The following SDK1 variants were observed in gnomAD, a reference collection of about 807,000 sequenced individuals.
SDK1 encodes protein sidekick-1.
Under a neutral mutation model 245.5 loss-of-function variants are expected in SDK1, and 157 were observed. The ratio of observed to expected loss-of-function variants is 0.64; its 90% CI spans 0.56 to 0.73. The LOEUF (loss-of-function observed/expected upper bound fraction) is 0.73. Ranked by LOEUF, SDK1 falls within the 30% of genes least tolerant of loss-of-function variation. The pLI, the probability that SDK1 is intolerant of heterozygous loss-of-function variation, is 0.00. For synonymous variants in SDK1, 1,647 were observed against 1,278.5 expected, an observed-to-expected ratio of 1.29 and a Z score of -6.15; for missense variants, 3,583 against 3,002.3, an observed-to-expected ratio of 1.19 and a Z score of -4.52.
chr7:3,787,647 TC>T (rs928170825), intron 4 of SDK1, among the ~76,000 whole-genome samples: 14 of 152,332 alleles, frequency 9.2e-5, no homozygotes, highest in Middle Eastern at 6.8e-3. Context: ...TTTGTTTTTT[TC>T]AGCTGGCCCG....
At chr7:3,836,103 A>C (rs1780023047) in intron 5 of SDK1, among the ~76,000 whole-genome samples, 1 of 152,260 alleles carries the variant, frequency 6.6e-6, no homozygotes, top group Non-Finnish European at 1.5e-5. Context: ...CTTTCAAGCC[A>C]CAGGCCTCAT....
intron 2 of SDK1, among the ~76,000 whole-genome samples, chr7:3,632,558 C>CT (rs5881997): frequency 0.24 from 37,174 of 152,048 alleles, 5,503 homozygotes; most frequent in Non-Finnish European, 0.33. Flanking sequence ...TCCATAGACC[C>CT]TCCCACACAG....
chr7:4,039,641 A>G (rs558559950), intron 17 of SDK1, among the ~76,000 whole-genome samples: 2 of 152,340 alleles, frequency 1.3e-5, no homozygotes, highest in Non-Finnish European at 2.9e-5. Flanking sequence ...GTCATCTCTG[A>G]TCCAAAATAT....
At chr7:3,886,126 G>A (rs972344298) in intron 5 of SDK1, among the ~76,000 whole-genome samples, 3 of 152,224 alleles carry the variant, frequency 2.0e-5, no homozygotes, top group Admixed American at 1.3e-4. Context: ...GGGAGGTGGT[G>A]CAAAACACGG....
At chr7:3,717,865 G>C (rs2115025598) in intron 4 of SDK1, among the ~76,000 whole-genome samples, 1 of 151,658 alleles carries the variant, frequency 6.6e-6, no homozygotes, top group East Asian at 1.9e-4. Context: ...GTTTTACAGG[G>C]TTTTGTTTAT....
At chr7:4,037,204 A>C (rs1223469769) in intron 17 of SDK1, among the ~76,000 whole-genome samples, 1 of 152,272 alleles carries the variant, frequency 6.6e-6, no homozygotes, top group Non-Finnish European at 1.5e-5. Context: ...ATGACAGGTC[A>C]GATGACCAAA....
At chr7:3,402,696 T>C (rs1379861460) in intron 1 of SDK1, among the ~76,000 whole-genome samples, 1 of 152,196 alleles carries the variant, frequency 6.6e-6, no homozygotes, top group African/African-American at 2.4e-5. Context: ...TTCTTCTTGA[T>C]TGCAGTTTTC....
At chr7:3,765,538 A>G (rs1780230150) in intron 4 of SDK1, among the ~76,000 whole-genome samples, 1 of 152,272 alleles carries the variant, frequency 6.6e-6, no homozygotes, top group Non-Finnish European at 1.5e-5. Context: ...TTCTCGTTGT[A>G]GTGTCCACCT....
chr7:4,226,597 A>T (rs985499036), intron 40 of SDK1, among the ~76,000 whole-genome samples: 1 of 152,200 alleles, frequency 6.6e-6, no homozygotes, highest in Non-Finnish European at 1.5e-5. Context: ...ATTCCTGGAG[A>T]GGGCGCTCCA....
At chr7:3,727,945 G>C (rs983990576) in intron 4 of SDK1, among the ~76,000 whole-genome samples, 3 of 152,168 alleles carry the variant, frequency 2.0e-5, no homozygotes, top group African/African-American at 7.2e-5. Context: ...TATTTCCTTA[G>C]GTTTTTCCAG....
Position 3,807,958 on chromosome 7 carries a change from A to G in SDK1, c.714-13492A>G, listed in dbSNP as rs564573972. On this transcript the variant is annotated intron_variant, in intron 4 of 44. Coordinates refer to ENST00000404826, the MANE Select transcript of SDK1 (RefSeq NM_152744.4). ...TTCTCCTGCCAACACTAAGGGATGG[A>G]TACAATTATTATCCCCATCTGACCT... Among the ~76,000 whole-genome samples the G allele has an allele frequency of 4.6e-5, 7 of 152,244 alleles. No individual in the cohort carries two copies. The South Asian group carries it at 6.2e-4, about 14-fold the overall frequency.
intron 5 of SDK1, among the ~76,000 whole-genome samples, chr7:3,903,438 G>T (rs755424938): frequency 4.6e-4 from 70 of 152,184 alleles, no homozygotes; most frequent in Admixed American, 1.8e-3. Context: ...GAGCCACCGC[G>T]CCCGGCCGAC....
intron 1 of SDK1, among the ~76,000 whole-genome samples, chr7:3,394,489 T>C (rs1781842137): frequency 6.6e-6 from 1 of 152,144 alleles, no homozygotes; most frequent in Non-Finnish European, 1.5e-5. Flanking sequence ...TCAAAATTGT[T>C]TTGATTATTC....
At chr7:3,417,026 T>C (rs529645584) in intron 1 of SDK1, among the ~76,000 whole-genome samples, 1 of 151,884 alleles carries the variant, frequency 6.6e-6, no homozygotes, top group Non-Finnish European at 1.5e-5. Flanking sequence ...ATACAAAAAT[T>C]AGCTGGGCAT....
intron 1 of SDK1, among the ~76,000 whole-genome samples, chr7:3,543,740 T>C (rs1425264331): frequency 1.3e-5 from 2 of 152,252 alleles, no homozygotes; most frequent in Non-Finnish European, 2.9e-5. Flanking sequence ...GTTTACAGTG[T>C]GTTTTAAATT....
chr7:3,584,312 G>C (rs1249099030), intron 1 of SDK1, among the ~76,000 whole-genome samples: 1 of 152,020 alleles, frequency 6.6e-6, no homozygotes, highest in Non-Finnish European at 1.5e-5. Context: ...GGATTTCCTT[G>C]GCTTCCTCCT....
intron 4 of SDK1, among the ~76,000 whole-genome samples, chr7:3,776,123 T>G (rs1047198078): frequency 3.3e-5 from 5 of 152,236 alleles, no homozygotes; most frequent in African/African-American, 1.2e-4. Context: ...ATGTATGCTG[T>G]GTGATCAGTA....
At chr7:3,413,400 A>C (rs181440198) in intron 1 of SDK1, among the ~76,000 whole-genome samples, 1 of 152,292 alleles carries the variant, frequency 6.6e-6, no homozygotes, top group African/African-American at 2.4e-5. Context: ...TACTTGTTAA[A>C]AAGATAACTT....
intron 25 of SDK1, among the ~76,000 whole-genome samples, chr7:4,124,058 C>T (rs901631252): frequency 6.6e-6 from 1 of 152,254 alleles, no homozygotes; most frequent in Non-Finnish European, 1.5e-5. Context: ...GCCGCTGGCC[C>T]TGTTAGGCTA....
Sources: gnomAD v4.1 joint callset for allele counts (sites outside exome capture counted in the v4.1 genomes callset) on GRCh38, gnomAD v4.1.1 for gene constraint, MANE v1.5 for transcripts, NCBI Gene and HGNC (gene_info 2026-07-23, HGNC 2026-07-21) for gene names.